KATNAL1: variants seen among roughly 807,000 people sequenced by gnomAD.
KATNAL1 encodes the protein katanin catalytic subunit A1 like 1, also known as katanin p60 ATPase-containing subunit A-like 1.
Under a neutral mutation model 55.2 loss-of-function variants are expected in KATNAL1, and 32 were observed. The ratio of observed to expected loss-of-function variants is 0.58; its 90% CI spans 0.44 to 0.78. The LOEUF (loss-of-function observed/expected upper bound fraction) is 0.78, where lower values mean the gene tolerates loss of function less well. Among genes scored for constraint, KATNAL1 ranks in the 30% least tolerant of loss-of-function variants. KATNAL1 has a pLI of 0.00. For missense variants in KATNAL1, 466 were observed against 600.9 expected (o/e 0.78, Z 2.35); for synonymous variants, 193 against 193.6 (o/e 1.00, Z 0.02).
intron 3 of KATNAL1, among the ~76,000 whole-genome samples, chr13:30,266,707 A>T (rs892084924): frequency 6.6e-6 from 1 of 152,226 alleles, no homozygotes; most frequent in African/African-American, 2.4e-5. Flanking sequence ...ACCAGTTTTT[A>T]TCCTCTTAGA....
At position 30,206,298 on chromosome 13, in the gene KATNAL1, A is replaced by T. The variant is rs959867523; in HGVS notation, c.*2242T>A. 5 of 151,714 alleles carry T rather than the reference A, an allele frequency of 3.3e-5. No individual in the cohort carries two copies. Among genetic ancestry groups the T allele is most frequent in the African/African-American group, 7.3e-5 (3 of 41,322 alleles). 9.4% of individuals were successfully genotyped at this position (151,714 alleles called of 1,614,324 possible). ...TCAGTCTCAAAATAAATAAATAAAT[A>T]AAATAAAATAAAATAAAAGTTAAAT... On this transcript the variant is annotated 3_prime_UTR_variant, in exon 11 of 11. Transcript: ENST00000380615.
At chr13:30,272,091 A>C (rs1880421561) in intron 3 of KATNAL1, among the ~76,000 whole-genome samples, 1 of 152,190 alleles carries the variant, frequency 6.6e-6, no homozygotes, top group South Asian at 2.1e-4. Flanking sequence ...GAAGAGCAGC[A>C]GGATTTCTTG....
intron 3 of KATNAL1, among the ~76,000 whole-genome samples, chr13:30,260,610 A>G (rs1879199734): frequency 6.6e-6 from 1 of 152,196 alleles, no homozygotes; most frequent in South Asian, 2.1e-4. Context: ...AACTGGAAGA[A>G]AGGGTATCAG....
intron 8 of KATNAL1, among the ~76,000 whole-genome samples, chr13:30,229,798 A>C (rs982620375): frequency 6.6e-6 from 1 of 152,196 alleles, no homozygotes; most frequent in African/African-American, 2.4e-5. Context: ...AAAACTTAAA[A>C]TAGATGGTGC....
chr13:30,248,544 GT>G (rs1320969401), intron 4 of KATNAL1, among the ~76,000 whole-genome samples: 1 of 152,144 alleles, frequency 6.6e-6, no homozygotes, highest in African/African-American at 2.4e-5. Context: ...ATATGAAAAG[GT>G]TTTCAACTTC....
chr13:30,283,572 G>A, intron 2 of KATNAL1, 44 bp downstream of exon 2: 1 of 1,578,756 alleles, frequency 6.3e-7, no homozygotes, highest in Non-Finnish European at 8.7e-7. Flanking sequence ...AGTATAATAG[G>A]GTACTGCCAT....
chr13:30,229,808 C>T (rs1195436133), intron 8 of KATNAL1, among the ~76,000 whole-genome samples: 1 of 151,788 alleles, frequency 6.6e-6, no homozygotes, highest in Non-Finnish European at 1.5e-5. Context: ...ATAGATGGTG[C>T]ATGGGTAAAT....
In KATNAL1 at chr13:30,205,962, GT is replaced by G. The variant is rs1873106971; in HGVS notation, c.*2577del. On this transcript the variant is annotated 3_prime_UTR_variant, in exon 11 of 11. Coordinates refer to ENST00000380615, the MANE Select transcript of KATNAL1 (RefSeq NM_032116.5). Reference sequence around the variant, plus strand: ...TGTGTGTGTGTGTGTGTGTGTGTGTGTGTGTGTGTGTGTGTGTGTGTTGTAT... The same window carrying G: ...TGTGTGTGTGTGTGTGTGTGTGTGTGGTGTGTGTGTGTGTGTGTGTTGTAT... 1.5e-5 allele frequency: 1 copy of G among 64,892 alleles called. No individual in the cohort carries two copies. Among genetic ancestry groups the G allele is most frequent in the African/African-American group, 3.5e-5 (1 of 28,790 alleles). The allele number at this position is 64,892 out of a possible 1,614,324, so 4.0% of individuals were successfully genotyped here.
Position 30,290,758 on chromosome 13 carries a change from T to C in KATNAL1, c.-14-6967A>G, listed in dbSNP as rs576744096. Among the ~76,000 whole-genome samples, 12 of 152,234 alleles carry C rather than the reference T, an allele frequency of 7.9e-5. No individual in the cohort carries two copies. The South Asian group carries it at 8.3e-4, about 11-fold the overall frequency. ...AATGTATTATGACCCAGTGACGAAA[T>C]AGATAATGTATTATGACCCAGTGAC... On this transcript the variant is annotated intron_variant, in intron 1 of 10. Coordinates refer to ENST00000380615, the MANE Select transcript of KATNAL1 (RefSeq NM_032116.5).
At chr13:30,297,128 G>A (rs1882559244) in intron 1 of KATNAL1, among the ~76,000 whole-genome samples, 1 of 149,142 alleles carries the variant, frequency 6.7e-6, no homozygotes, top group Non-Finnish European at 1.5e-5. Flanking sequence ...GGGTGACAGA[G>A]TGAGACCCTG....
intron 3 of KATNAL1, among the ~76,000 whole-genome samples, chr13:30,272,873 T>C (rs1408930155): frequency 6.6e-6 from 1 of 152,200 alleles, no homozygotes; most frequent in African/African-American, 2.4e-5. Context: ...CACCCTCTGT[T>C]CTCAATCTCA....
intron 3 of KATNAL1, among the ~76,000 whole-genome samples, chr13:30,273,099 T>G (rs551153699): frequency 6.6e-6 from 1 of 152,238 alleles, no homozygotes; most frequent in East Asian, 1.9e-4. Context: ...ATCTAGCCCA[T>G]GCATCATCAA....
At chr13:30,233,798 T>C (rs181126786) in intron 6 of KATNAL1, among the ~76,000 whole-genome samples, 3 of 152,270 alleles carry the variant, frequency 2.0e-5, no homozygotes, top group African/African-American at 7.2e-5. Context: ...TATAGCAACA[T>C]GGATGGAGGT....
chr13:30,305,033 T>C (rs1037369863), intron 1 of KATNAL1, among the ~76,000 whole-genome samples: 4 of 152,142 alleles, frequency 2.6e-5, no homozygotes, highest in African/African-American at 7.2e-5. Context: ...TACTGGACTT[T>C]GTTTTTTTCT....
At chr13:30,252,431 A>AT (rs1878405917) in intron 4 of KATNAL1, among the ~76,000 whole-genome samples, 1 of 152,062 alleles carries the variant, frequency 6.6e-6, no homozygotes, top group African/African-American at 2.4e-5. Context: ...CTTATCCTCA[A>AT]TTTTTTTTAC....
intron 3 of KATNAL1, among the ~76,000 whole-genome samples, chr13:30,259,020 A>G (rs1411742484): frequency 6.6e-6 from 1 of 152,240 alleles, no homozygotes; most frequent in African/African-American, 2.4e-5. Context: ...TAATGAATGA[A>G]AGGCACTATG....
chr13:30,281,752 C>T (rs897475633), intron 2 of KATNAL1: 2 of 152,176 alleles, frequency 1.3e-5, no homozygotes, highest in African/African-American at 4.8e-5. Flanking sequence ...TAAATTTTAA[C>T]ACTAAGTGGG....
In KATNAL1 at chr13:30,208,419, T is replaced by C. The variant is rs192823702; in HGVS notation, c.*121A>G. ...AGTATTCTTCGCAGTTTTAGATTTT[T>C]TTTTCCTTTAAGCGAAAACCACTCC... On this transcript the variant is annotated 3_prime_UTR_variant, in exon 11 of 11. Coordinates refer to ENST00000380615, the MANE Select transcript of KATNAL1 (RefSeq NM_032116.5). 554 of 757,572 alleles carry C rather than the reference T, an allele frequency of 7.3e-4. 2 individuals are homozygous for C. The African/African-American group carries it at 8.2e-3, about 11-fold the overall frequency. 46.9% of individuals were successfully genotyped at this position (757,572 alleles called of 1,614,324 possible). A position where few individuals can be genotyped will look rare whatever the true frequency, so the allele number is the denominator to read the frequency against.
At chr13:30,276,983 C>T (rs75132550) in intron 3 of KATNAL1, among the ~76,000 whole-genome samples, 3,077 of 152,246 alleles carry the variant, frequency 0.02, 39 homozygotes, top group Non-Finnish European at 0.032. Flanking sequence ...TTCATGGGAT[C>T]ACTTGAGTTT....
Sources: allele counts gnomAD v4.1 joint callset (sites outside exome capture counted in the v4.1 genomes callset), GRCh38; gene constraint gnomAD v4.1.1; transcripts MANE v1.5; gene names NCBI Gene and HGNC (gene_info 2026-07-23, HGNC 2026-07-21).